TRAPPC10: variants seen among roughly 807,000 people sequenced by gnomAD.
The protein encoded by TRAPPC10 is trafficking protein particle complex subunit 10, also known as TRAPP 130 kDa subunit.
A neutral mutation model predicts 125.5 loss-of-function variants in TRAPPC10; 23 were observed. The observed-to-expected ratio is 0.18, with a 90% confidence interval of 0.13 to 0.26. The LOEUF (loss-of-function observed/expected upper bound fraction) is 0.26, where lower values mean the gene tolerates loss of function less well. Ranked by LOEUF, TRAPPC10 falls within the 10% of genes least tolerant of loss-of-function variation. The pLI, the probability that TRAPPC10 is intolerant of heterozygous loss-of-function variation, is 1.00. For synonymous variants in TRAPPC10, 509 were observed against 518.0 expected, an observed-to-expected ratio of 0.98 and a Z score of 0.24; for missense variants, 1,123 against 1,308.4, an observed-to-expected ratio of 0.86 and a Z score of 2.19.
chr21:44,012,990 G>C (rs965469721), intron 1 of TRAPPC10, among the ~76,000 whole-genome samples: 22 of 152,328 alleles, frequency 1.4e-4, no homozygotes, highest in African/African-American at 5.0e-4. Flanking sequence ...AGTCCTTGGG[G>C]GCTCGCAGAG....
Position 44,087,616 on chromosome 21 carries a change from T to A in TRAPPC10, c.2540-83T>A. On this transcript the variant is annotated intron_variant, in intron 16 of 22. Transcript: ENST00000291574. This position sits in a 1 kb window ranked among gnomAD's most constrained non-coding sequence, Gnocchi z 4.6. ...GGGAGAGGTTGAGCAGTGGCCTCAC[T>A]GCTGGGCCATCACCTGCTGTAAGGA... The A allele has an allele frequency of 7.8e-7, 1 of 1,289,026 alleles. No homozygotes were observed. The highest frequency in any genetic ancestry group is 1.2e-5 in the South Asian group (1 of 81,778). 79.8% of individuals were successfully genotyped at this position (1,289,026 alleles called of 1,614,324 possible).
chr21:44,062,817 G>A (rs1181862047), intron 6 of TRAPPC10: 6 of 985,324 alleles, frequency 6.1e-6, no homozygotes, highest in South Asian at 4.7e-5. Flanking sequence ...AGGATGCCAC[G>A]TAGGAATGAA....
chr21:44,025,835 T>G (rs1303382393), intron 1 of TRAPPC10, among the ~76,000 whole-genome samples: 1 of 89,142 alleles, frequency 1.1e-5, no homozygotes, highest in Admixed American at 1.1e-4. Context: ...TGTGTGTGTG[T>G]GTGTGTGTGT....
chr21:44,047,569 C>CGCGCGT (rs1166243522), intron 3 of TRAPPC10, among the ~76,000 whole-genome samples: 5 of 106,090 alleles, frequency 4.7e-5, no homozygotes, highest in African/African-American at 2.4e-4. Flanking sequence ...TGTGTGTGCG[C>CGCGCGT]GCACACGCTA....
At chr21:44,055,547 C>T (rs111953881) in intron 4 of TRAPPC10, 151 bp from the exon 5 acceptor site, 9 of 568,156 alleles carry the variant, frequency 1.6e-5, no homozygotes, top group African/African-American at 5.7e-5. Context: ...CACTGCACTC[C>T]AGCCTGGGCC....
At chr21:44,092,798 T>C (rs961614398) in intron 19 of TRAPPC10, among the ~76,000 whole-genome samples, 5 of 152,198 alleles carry the variant, frequency 3.3e-5, no homozygotes, top group African/African-American at 1.2e-4. Flanking sequence ...TTTTAAATTT[T>C]TATTTATCTT....
intron 13 of TRAPPC10, among the ~76,000 whole-genome samples, chr21:44,081,017 CTTTTTTTTTTTTTT>C (rs67865929): frequency 1.0e-5 from 1 of 97,226 alleles, no homozygotes; most frequent in African/African-American, 4.2e-5. Context: ...TTTTTTTTTT[CTTTTTTTTTTTTTT>C]TTTTTTGACT....
At chr21:44,012,629 G>A in intron 1 of TRAPPC10, 69 bp downstream of exon 1, 1 of 1,382,846 alleles carries the variant, frequency 7.2e-7, no homozygotes, top group Non-Finnish European at 9.9e-7. Flanking sequence ...TTATGCACCC[G>A]GCGCCCCCAG....
intron 7 of TRAPPC10, among the ~76,000 whole-genome samples, chr21:44,069,386 C>T (rs1357845786): frequency 6.6e-6 from 1 of 152,026 alleles, no homozygotes; most frequent in Non-Finnish European, 1.5e-5. Flanking sequence ...TCCAAATGGC[C>T]GATAAACATG....
At chr21:44,071,497 T>C (rs2036864908) in intron 7 of TRAPPC10, among the ~76,000 whole-genome samples, 1 of 152,208 alleles carries the variant, frequency 6.6e-6, no homozygotes, top group Non-Finnish European at 1.5e-5. Flanking sequence ...AGCCCACCTC[T>C]TTCAGGCCCT....
rs1335074284 is a variant in TRAPPC10 at position 44,055,593 on chromosome 21, A to C, written c.483-105A>C. 3.7e-6 allele frequency: 3 copies of C among 802,740 alleles called. No individual in the cohort carries two copies. In the East Asian group the frequency reaches 7.7e-5, roughly 21 times the overall value. 49.7% of individuals were successfully genotyped at this position (802,740 alleles called of 1,614,324 possible). A position where few individuals can be genotyped will look rare whatever the true frequency, so the allele number is the denominator to read the frequency against. ...ACTCTGTCTCAAAAAAAAAAAAAAA[A>C]GGAGGAGGAAGGAAGAAAATTGCCG... On this transcript the variant is annotated intron_variant, in intron 4 of 22. Transcript: ENST00000291574.
At chr21:44,027,247 TA>T (rs1363486202) in intron 1 of TRAPPC10, among the ~76,000 whole-genome samples, 1 of 152,094 alleles carries the variant, frequency 6.6e-6, no homozygotes, top group African/African-American at 2.4e-5. Context: ...TCATGTCAGG[TA>T]TTTAGGAAAG....
At chr21:44,028,076 C>A (rs560690619) in intron 1 of TRAPPC10, among the ~76,000 whole-genome samples, 21 of 152,166 alleles carry the variant, frequency 1.4e-4, no homozygotes, top group Non-Finnish European at 2.4e-4. Context: ...CTGAAGTCAT[C>A]TTTTTGAATT....
intron 1 of TRAPPC10, among the ~76,000 whole-genome samples, chr21:44,023,134 G>A (rs947724090): frequency 1.4e-5 from 2 of 139,768 alleles, no homozygotes; most frequent in Middle Eastern, 3.8e-3. Context: ...CCGGGTTCAC[G>A]CCATTCCCCT....
chr21:44,023,157 C>T (rs1167741317), intron 1 of TRAPPC10, among the ~76,000 whole-genome samples: 6 of 151,132 alleles, frequency 4.0e-5, no homozygotes, highest in South Asian at 2.1e-4. Context: ...CTCAGCCTCC[C>T]GAGTAGCTGG....
chr21:44,081,023 T>C (rs1186525964), intron 13 of TRAPPC10, among the ~76,000 whole-genome samples: 35 of 137,594 alleles, frequency 2.5e-4, no homozygotes, highest in South Asian at 9.1e-4. Flanking sequence ...TTTTCTTTTT[T>C]TTTTTTTTTT....
intron 2 of TRAPPC10, among the ~76,000 whole-genome samples, chr21:44,034,336 C>A (rs1305679127): frequency 1.5e-5 from 2 of 136,894 alleles, no homozygotes; most frequent in East Asian, 2.5e-4. Context: ...CCCCCAACCC[C>A]CCCCCCCACC....
chr21:44,083,193 C>A lies in TRAPPC10; in HGVS notation c.2129C>A (p.Ser710Tyr), dbSNP rs756255132. Residue 710 changes from serine to tyrosine, a missense_variant, in exon 14 of 23, where the codon TCC becomes TAC. Coordinates refer to ENST00000291574, the MANE Select transcript of TRAPPC10 (RefSeq NM_003274.5). ...HMLLRRQESS[S>Y]SLEMPSGVAL... The stretch of plus-strand genomic sequence containing the variant: ...CTCCTGAGAAGGCAGGAGAGCAGCT[C>A]CTCTCTAGAGATGCCCTCAGGGGTG... 1.9e-6 allele frequency: 3 copies of A among 1,614,098 alleles called. No individual in the cohort carries two copies. The South Asian group carries it at 3.3e-5, about 18-fold the overall frequency.
chr21:44,048,743 C>G (rs746582767), intron 3 of TRAPPC10, among the ~76,000 whole-genome samples: 3 of 151,848 alleles, frequency 2.0e-5, no homozygotes, highest in Non-Finnish European at 2.9e-5. Flanking sequence ...ATCTGCCCAC[C>G]TCAGCCTCCC....
Sources: allele counts gnomAD v4.1 joint callset (sites outside exome capture counted in the v4.1 genomes callset), GRCh38; gene constraint gnomAD v4.1.1; non-coding constraint Gnocchi (gnomAD v3.1); transcripts MANE v1.5; gene names NCBI Gene and HGNC (gene_info 2026-07-23, HGNC 2026-07-21).